The following CCDC15 variants were observed in gnomAD, a reference collection of about 807,000 sequenced individuals.
CCDC15 encodes the protein coiled-coil domain containing 15, also known as coiled-coil domain-containing protein 15.
Under a neutral mutation model 114.5 loss-of-function variants are expected in CCDC15, and 105 were observed. That is an observed-to-expected ratio of 0.92 (90% CI 0.78 to 1.08). The LOEUF (loss-of-function observed/expected upper bound fraction) is 1.08, where lower values mean the gene tolerates loss of function less well. Among genes scored for constraint, CCDC15 ranks in the 50% least tolerant of loss-of-function variants. CCDC15 has a pLI of 0.00. For synonymous variants in CCDC15, 334 were observed against 377.8 expected, an observed-to-expected ratio of 0.88 and a Z score of 1.34; for missense variants, 1,105 against 1,093.6, an observed-to-expected ratio of 1.01 and a Z score of -0.15.
intron 6 of CCDC15, among the ~76,000 whole-genome samples, chr11:124,982,189 A>G (rs1004719105): frequency 6.6e-6 from 1 of 151,554 alleles, no homozygotes; most frequent in Non-Finnish European, 1.5e-5. Flanking sequence ...GTGTCATTTC[A>G]TATGAGATGA....
intron 6 of CCDC15, among the ~76,000 whole-genome samples, chr11:124,979,602 G>A (rs1453436696): frequency 1.3e-5 from 2 of 151,674 alleles, no homozygotes; most frequent in African/African-American, 4.8e-5. Context: ...TGGTGTATAG[G>A]AATGCTACTG....
intron 8 of CCDC15, among the ~76,000 whole-genome samples, chr11:124,990,495 A>T (rs1948249164): frequency 6.6e-6 from 1 of 152,210 alleles, no homozygotes; most frequent in South Asian, 2.1e-4. Flanking sequence ...TTCAGTTTGT[A>T]AAAAACACAA....
intron 8 of CCDC15, among the ~76,000 whole-genome samples, chr11:124,990,568 T>C (rs915023304): frequency 6.6e-6 from 1 of 152,162 alleles, no homozygotes; most frequent in African/African-American, 2.4e-5. Context: ...AGATCCATAC[T>C]TGGAAAAAAT....
At chr11:125,018,905 T>C (rs959449426) in intron 13 of CCDC15, among the ~76,000 whole-genome samples, 4 of 151,728 alleles carry the variant, frequency 2.6e-5, no homozygotes, top group South Asian at 2.1e-4. Flanking sequence ...AAAGTGGGAA[T>C]TGGAGAGGGG....
intron 2 of CCDC15, among the ~76,000 whole-genome samples, chr11:124,957,811 G>A (rs1272068399): frequency 6.6e-6 from 1 of 152,158 alleles, no homozygotes; most frequent in Non-Finnish European, 1.5e-5. Flanking sequence ...ATGACAGCCT[G>A]TAAAATGATC....
At chr11:124,978,624 T>A (rs1948015871) in intron 6 of CCDC15, among the ~76,000 whole-genome samples, 1 of 152,146 alleles carries the variant, frequency 6.6e-6, no homozygotes, top group Admixed American at 6.6e-5. Flanking sequence ...TGTCTTCTTT[T>A]GAAGTGTCTG....
At chr11:124,959,419 C>A (rs1199452908) in intron 3 of CCDC15, among the ~76,000 whole-genome samples, 155 bp downstream of exon 3, 1 of 151,988 alleles carries the variant, frequency 6.6e-6, no homozygotes, top group Non-Finnish European at 1.5e-5. Flanking sequence ...TGTAGAGAAA[C>A]CATGTTTTAT....
chr11:125,040,334 G>A (rs1948807397), intron 15 of CCDC15, among the ~76,000 whole-genome samples: 1 of 152,126 alleles, frequency 6.6e-6, no homozygotes, highest in African/African-American at 2.4e-5. Flanking sequence ...ACTGTGCCTG[G>A]CCTATGATGA....
chr11:125,025,069 TATATGA>T (rs60575197), intron 13 of CCDC15, among the ~76,000 whole-genome samples: 6,601 of 55,102 alleles, frequency 0.12, 573 homozygotes, highest in African/African-American at 0.22. Context: ...TATATATGAA[TATATGA>T]ATATATATGA....
intron 13 of CCDC15, among the ~76,000 whole-genome samples, chr11:125,031,341 G>A (rs754410697): frequency 6.6e-5 from 10 of 152,252 alleles, no homozygotes; most frequent in Non-Finnish European, 1.3e-4. Flanking sequence ...CAGGCTGGGG[G>A]AGAGAAGGCA....
At chr11:125,002,706 A>G (rs894341872) in intron 11 of CCDC15, among the ~76,000 whole-genome samples, 1 of 152,120 alleles carries the variant, frequency 6.6e-6, no homozygotes, top group Non-Finnish European at 1.5e-5. Context: ...AACTCATTAT[A>G]AATGTAAGAG....
intron 4 of CCDC15, among the ~76,000 whole-genome samples, chr11:124,965,461 T>C (rs999044537): frequency 6.6e-6 from 1 of 152,240 alleles, no homozygotes; most frequent in Non-Finnish European, 1.5e-5. Flanking sequence ...GATGGTAGTT[T>C]GCATTTCTGT....
intron 12 of CCDC15, among the ~76,000 whole-genome samples, chr11:125,004,770 C>A (rs1948532460): frequency 6.6e-6 from 1 of 152,006 alleles, no homozygotes; most frequent in Admixed American, 6.6e-5. Context: ...ACTATTGGTT[C>A]TGTTATGAAA....
At chr11:124,980,297 G>A (rs2135468671) in intron 6 of CCDC15, among the ~76,000 whole-genome samples, 1 of 152,280 alleles carries the variant, frequency 6.6e-6, no homozygotes, top group African/African-American at 2.4e-5. Flanking sequence ...ATAAGTTAGG[G>A]AGGACTTCCT....
At chr11:124,957,600 C>T (rs544619876) in intron 2 of CCDC15, among the ~76,000 whole-genome samples, 35 of 152,218 alleles carry the variant, frequency 2.3e-4, no homozygotes, top group African/African-American at 7.7e-4. Context: ...AGAAAGAGGC[C>T]GAATGGCTTA....
chr11:125,012,069 G>A (rs777157431), intron 13 of CCDC15, among the ~76,000 whole-genome samples: 11 of 152,286 alleles, frequency 7.2e-5, no homozygotes, highest in South Asian at 2.1e-4. Flanking sequence ...GCCTAGATGC[G>A]CATGAGAGGT....
chr11:125,000,006 C>T (rs867230551), intron 11 of CCDC15, among the ~76,000 whole-genome samples: 17 of 151,580 alleles, frequency 1.1e-4, no homozygotes, highest in African/African-American at 2.7e-4. Context: ...GGATTACAGG[C>T]GCCCACCACC....
chr11:124,999,961 A>G (rs1460875101), intron 11 of CCDC15, among the ~76,000 whole-genome samples: 1 of 143,018 alleles, frequency 7.0e-6, no homozygotes, highest in Admixed American at 7.7e-5. Flanking sequence ...TCCTGAGTTC[A>G]AGTGATTCTC....
rs763983988 is a variant in CCDC15 at position 124,987,977 on chromosome 11, A to AT, written c.1755dup (p.Leu586SerfsTer10). 1.1e-5 allele frequency: 17 copies of AT among 1,613,770 alleles called. No individual in the cohort carries two copies. Among genetic ancestry groups the AT allele is most frequent in the Admixed American group, 1.7e-5 (1 of 60,000 alleles). On this transcript the variant is annotated frameshift_variant, in exon 8 of 16. Coordinates refer to ENST00000344762, the MANE Select transcript of CCDC15 (RefSeq NM_025004.3). LOFTEE classifies it high-confidence loss of function. Reference sequence around the variant, plus strand: ...ATTCTACCCATATGTCAGGACCAGGATTTTCTACCCAGAGACCAAGGTTAT... The same window carrying AT: ...ATTCTACCCATATGTCAGGACCAGGATTTTTCTACCCAGAGACCAAGGTTAT...
Sources: gnomAD v4.1 joint callset for allele counts (sites outside exome capture counted in the v4.1 genomes callset) on GRCh38, gnomAD v4.1.1 for gene constraint, MANE v1.5 for transcripts, NCBI Gene and HGNC (gene_info 2026-07-23, HGNC 2026-07-21) for gene names.